The following MCCC1 variants were observed in gnomAD, a reference collection of about 807,000 sequenced individuals.
MCCC1 encodes the protein methylcrotonoyl-CoA carboxylase subunit alpha, mitochondrial.
A neutral mutation model predicts 83.8 loss-of-function variants in MCCC1; 64 were observed. The ratio of observed to expected loss-of-function variants is 0.76; its 90% CI spans 0.62 to 0.94. The LOEUF (loss-of-function observed/expected upper bound fraction) is 0.94. Among genes scored for constraint, MCCC1 ranks in the 40% least tolerant of loss-of-function variants. The pLI is 0.00. For missense variants in MCCC1, 807 were observed against 904.7 expected (o/e 0.89, Z 1.39); for synonymous variants, 322 against 315.4 (o/e 1.02, Z -0.22).
intron 1 of MCCC1, among the ~76,000 whole-genome samples, chr3:183,112,124 A>G (rs1719505025): frequency 6.6e-6 from 1 of 152,148 alleles, no homozygotes; most frequent in African/African-American, 2.4e-5. Context: ...CTAATACCTA[A>G]AAAGGGCCCA....
At chr3:183,052,878 T>C (rs6801608) in intron 8 of MCCC1, among the ~76,000 whole-genome samples, 131,707 of 146,336 alleles carry the variant, frequency 0.9, 59,599 homozygotes, top group East Asian at 1. Context: ...ATAATACAAC[T>C]ACGCTATTGT....
intron 13 of MCCC1, among the ~76,000 whole-genome samples, chr3:183,034,470 C>CAAAAAAAAAAAAAAAAAAAAAA (rs1240187331): frequency 7.5e-6 from 1 of 132,882 alleles, no homozygotes; most frequent in Non-Finnish European, 1.5e-5. Context: ...AAAAAAAAAA[C>CAAAAAAAAAAAAAAAAAAAAAA]AAAAAAACAC....
chr3:183,062,602 G>A (rs1408582499), intron 7 of MCCC1, among the ~76,000 whole-genome samples: 3 of 152,128 alleles, frequency 2.0e-5, no homozygotes, highest in South Asian at 2.1e-4. Flanking sequence ...CAATCTGCCC[G>A]CCATGGCCTC....
chr3:183,057,445 G>A, intron 7 of MCCC1, 23 bp from the exon 8 acceptor site: 1 of 1,536,776 alleles, frequency 6.5e-7, no homozygotes, highest in Non-Finnish European at 8.9e-7. Context: ...AAACATGTAT[G>A]TTAATATATT....
intron 8 of MCCC1, among the ~76,000 whole-genome samples, chr3:183,054,397 C>T (rs915700818): frequency 6.6e-6 from 1 of 151,514 alleles, no homozygotes; most frequent in Non-Finnish European, 1.5e-5. Flanking sequence ...CTGTGTTAGC[C>T]GGGATGGTCT....
chr3:183,063,730 C>A (rs893968048), intron 7 of MCCC1, among the ~76,000 whole-genome samples: 8 of 152,132 alleles, frequency 5.3e-5, no homozygotes, highest in Non-Finnish European at 1.2e-4. Context: ...CTGGTAACAT[C>A]TTTCTGGTGA....
chr3:183,088,860 A>T (rs1718111671), intron 3 of MCCC1, among the ~76,000 whole-genome samples: 1 of 152,200 alleles, frequency 6.6e-6, no homozygotes, highest in Non-Finnish European at 1.5e-5. Context: ...AAACTATTCC[A>T]TAGTATGGCA....
intron 8 of MCCC1, among the ~76,000 whole-genome samples, chr3:183,055,818 AG>A (rs1192948091): frequency 1.3e-5 from 2 of 152,010 alleles, no homozygotes; most frequent in Non-Finnish European, 2.9e-5. Context: ...GGATTGCTTG[AG>A]CCCAGGAGTT....
chr3:183,100,626 C>T (rs1259415510), upstream of MCCC1, among the ~76,000 whole-genome samples: 1 of 152,234 alleles, frequency 6.6e-6, no homozygotes, highest in East Asian at 1.9e-4. Context: ...ACACGACAGA[C>T]CAATTTCACA....
intron 1 of MCCC1, among the ~76,000 whole-genome samples, chr3:183,114,596 T>C (rs1719558055): frequency 1.3e-5 from 2 of 152,128 alleles, no homozygotes. Flanking sequence ...GTGTTGATTG[T>C]TATGGTGTGA....
At chr3:183,106,250 A>G (rs376698009) in intron 1 of MCCC1, among the ~76,000 whole-genome samples, 1 of 152,116 alleles carries the variant, frequency 6.6e-6, no homozygotes. Context: ...ATTTCAAAAC[A>G]ATTACATAAT....
chr3:183,102,758 G>GTTTTTTTT (rs566199257), upstream of MCCC1, among the ~76,000 whole-genome samples: 4 of 52,222 alleles, frequency 7.7e-5, 1 homozygote, highest in Non-Finnish European at 1.4e-4. Context: ...AGCAGAGAAA[G>GTTTTTTTT]TTTTTTTTTT....
At chr3:183,071,630 A>G (rs995129401) in intron 5 of MCCC1, among the ~76,000 whole-genome samples, 5 of 152,164 alleles carry the variant, frequency 3.3e-5, no homozygotes, top group African/African-American at 1.2e-4. Context: ...GAATTTCTCT[A>G]TGTCACAGAT....
chr3:183,113,030 C>T (rs933091079), intron 1 of MCCC1, among the ~76,000 whole-genome samples: 14 of 152,154 alleles, frequency 9.2e-5, no homozygotes, highest in South Asian at 8.3e-4. Flanking sequence ...TCGAGACCAT[C>T]CTGACCAAGA....
chr3:183,072,340 A>G (rs1465885543), intron 5 of MCCC1, 26 bp downstream of exon 5: 1 of 1,612,686 alleles, frequency 6.2e-7, no homozygotes, highest in East Asian at 2.2e-5. Context: ...TCATACAGTT[A>G]TATTTTAAAA....
chr3:183,058,238 T>C (rs1022147420), intron 7 of MCCC1, among the ~76,000 whole-genome samples: 3 of 152,206 alleles, frequency 2.0e-5, no homozygotes, highest in Non-Finnish European at 4.4e-5. Context: ...GAAATTAAAA[T>C]GGCTCATCCA....
At chr3:183,077,594 G>A (rs914943354) in intron 4 of MCCC1, among the ~76,000 whole-genome samples, 5 of 150,720 alleles carry the variant, frequency 3.3e-5, no homozygotes, top group African/African-American at 1.2e-4. Context: ...AGGTTTCCTA[G>A]CAACAGTTTC....
chr3:183,061,818 T>C (rs1033948429), intron 7 of MCCC1, among the ~76,000 whole-genome samples: 1 of 152,226 alleles, frequency 6.6e-6, no homozygotes, highest in Admixed American at 6.5e-5. Context: ...GAAGTGTTTG[T>C]TTTTCTAATT....
intron 9 of MCCC1, among the ~76,000 whole-genome samples, chr3:183,049,658 A>C (rs1714816314): frequency 6.6e-6 from 1 of 152,168 alleles, no homozygotes. Context: ...GAGAAAATAC[A>C]AATTGCTAGT....
Sources: gnomAD v4.1 joint callset for allele counts (sites outside exome capture counted in the v4.1 genomes callset) on GRCh38, gnomAD v4.1.1 for gene constraint, MANE v1.5 for transcripts, NCBI Gene and HGNC (gene_info 2026-07-23, HGNC 2026-07-21) for gene names.